The following PDE10A variants were observed in gnomAD, a reference collection of about 807,000 sequenced individuals.
PDE10A encodes phosphodiesterase 10A.
PDE10A carries 39 observed loss-of-function variants against 97.7 expected under a neutral mutation model. The observed-to-expected ratio is 0.40, with a 90% CI of 0.31 to 0.52. The LOEUF is 0.52. Ranked by LOEUF, PDE10A falls within the 20% of genes least tolerant of loss-of-function variation. The pLI, the probability that PDE10A is intolerant of heterozygous loss-of-function variation, is 0.56. For synonymous variants in PDE10A, 371 were observed against 376.8 expected (o/e 0.98, Z 0.18); for missense variants, 731 against 1,047.8 (o/e 0.70, Z 4.17).
At chr6:165,532,691 A>G (rs1782855060) in intron 2 of PDE10A, among the ~76,000 whole-genome samples, 1 of 152,150 alleles carries the variant, frequency 6.6e-6, no homozygotes, top group Non-Finnish European at 1.5e-5. Context: ...GACCCGACCC[A>G]TGACATTTCT....
chr6:165,389,390 T>C (rs1034162116), intron 16 of PDE10A, among the ~76,000 whole-genome samples: 9 of 152,122 alleles, frequency 5.9e-5, no homozygotes, highest in Non-Finnish European at 1.3e-4. Flanking sequence ...AGTGAAAGCT[T>C]CTATGGGGTG....
At chr6:165,904,530 A>G (rs1427842643) in intron 1 of PDE10A, among the ~76,000 whole-genome samples, 2 of 152,290 alleles carry the variant, frequency 1.3e-5, no homozygotes, top group Middle Eastern at 3.4e-3. Context: ...GTCTCGCTCA[A>G]TATTTTTTCT....
chr6:165,763,283 C>T (rs2128458380), intron 1 of PDE10A, among the ~76,000 whole-genome samples: 1 of 152,290 alleles, frequency 6.6e-6, no homozygotes, highest in Admixed American at 6.5e-5. Flanking sequence ...TTTTGACTGA[C>T]ATCCCCTCCA....
chr6:165,889,962 AC>A (rs148732196), intron 1 of PDE10A, among the ~76,000 whole-genome samples: 2 of 8,882 alleles, frequency 2.3e-4, no homozygotes, highest in Non-Finnish European at 4.4e-4. Flanking sequence ...TCCCTCCCTC[AC>A]TCCTCACTCC....
chr6:165,920,182 A>G (rs1782716140), intron 1 of PDE10A, among the ~76,000 whole-genome samples: 2 of 152,184 alleles, frequency 1.3e-5, no homozygotes, highest in Admixed American at 1.3e-4. Context: ...TTAGAACTGT[A>G]TGGTCCATAA....
chr6:165,835,398 A>G (rs1258460347), intron 1 of PDE10A, among the ~76,000 whole-genome samples: 1 of 151,988 alleles, frequency 6.6e-6, no homozygotes, highest in East Asian at 1.9e-4. Context: ...TTTCCTTTAT[A>G]TCCTGATCTT....
intron 1 of PDE10A, among the ~76,000 whole-genome samples, chr6:165,958,774 A>AAGCAAGCAAGCC (rs1784270990): frequency 6.8e-6 from 1 of 148,042 alleles, no homozygotes; most frequent in South Asian, 2.2e-4. Flanking sequence ...AGAAGAAAGC[A>AAGCAAGCAAGCC]AGCCAGCCAT....
At chr6:165,373,910 G>T (rs1279550672) in intron 18 of PDE10A, among the ~76,000 whole-genome samples, 1 of 151,720 alleles carries the variant, frequency 6.6e-6, no homozygotes, top group African/African-American at 2.4e-5. Context: ...CATAAAAAAT[G>T]ATGAGTTCAT....
intron 1 of PDE10A, among the ~76,000 whole-genome samples, chr6:165,967,552 G>GT (rs988762550): frequency 3.3e-5 from 5 of 152,130 alleles, no homozygotes; most frequent in Admixed American, 2.0e-4. Context: ...CGTATCTATG[G>GT]TTTTTTCTTA....
intron 18 of PDE10A, among the ~76,000 whole-genome samples, chr6:165,363,440 G>A (rs554034358): frequency 9.2e-5 from 14 of 152,084 alleles, no homozygotes; most frequent in East Asian, 7.7e-4. Context: ...GCTTGAACCC[G>A]GGGGAAGGAG....
At chr6:165,970,607 A>C (rs1784639936) in intron 1 of PDE10A, among the ~76,000 whole-genome samples, 2 of 152,236 alleles carry the variant, frequency 1.3e-5, no homozygotes, top group African/African-American at 4.8e-5. Flanking sequence ...TTCAATAAAA[A>C]GGTAAACATA....
At chr6:165,665,757 A>G (rs989647037), upstream of PDE10A, among the ~76,000 whole-genome samples, 1 of 152,108 alleles carries the variant, frequency 6.6e-6, no homozygotes, top group Non-Finnish European at 1.5e-5. Context: ...AATAATGATG[A>G]CCATCATTTT....
At chr6:165,523,976 C>T (rs907454902) in intron 2 of PDE10A, among the ~76,000 whole-genome samples, 1 of 152,276 alleles carries the variant, frequency 6.6e-6, no homozygotes, top group East Asian at 1.9e-4. Context: ...ATCTAATCAG[C>T]TTCCAGCGAA....
At chr6:165,340,676 G>T (rs1406366988) in intron 19 of PDE10A, among the ~76,000 whole-genome samples, 1 of 152,184 alleles carries the variant, frequency 6.6e-6, no homozygotes, top group Non-Finnish European at 1.5e-5. Flanking sequence ...TACAGACCAT[G>T]GCTCTAACAG....
intron 1 of PDE10A, among the ~76,000 whole-genome samples, chr6:165,788,372 C>T (rs893499874): frequency 2.6e-5 from 4 of 151,638 alleles, no homozygotes; most frequent in Non-Finnish European, 5.9e-5. Context: ...ACAAAATTAG[C>T]TGGGCATGGT....
At chr6:165,605,275 A>G (rs1165432430) in intron 1 of PDE10A, among the ~76,000 whole-genome samples, 8 of 151,796 alleles carry the variant, frequency 5.3e-5, no homozygotes. Context: ...AAACAAACAA[A>G]CAAAAAAAAC....
chr6:165,842,197 A>T (rs1054179685), intron 1 of PDE10A, among the ~76,000 whole-genome samples: 1 of 152,206 alleles, frequency 6.6e-6, no homozygotes, highest in Non-Finnish European at 1.5e-5. Context: ...ATAATGTTAT[A>T]CATTTTTTTT....
At chr6:165,537,080 GA>G in intron 2 of PDE10A, among the ~76,000 whole-genome samples, 1 of 151,726 alleles carries the variant, frequency 6.6e-6, no homozygotes, top group Non-Finnish European at 1.5e-5. Flanking sequence ...AAGAAAATGT[GA>G]TATATACAAA....
chr6:165,798,037 A>G (rs994320176), intron 1 of PDE10A, among the ~76,000 whole-genome samples: 12 of 152,204 alleles, frequency 7.9e-5, no homozygotes, highest in African/African-American at 1.9e-4. Context: ...TTTTCATTCA[A>G]TTGAAGAAAT....
Sources: gnomAD v4.1 joint callset for allele counts (sites outside exome capture counted in the v4.1 genomes callset) on GRCh38, gnomAD v4.1.1 for gene constraint, MANE v1.5 for transcripts, NCBI Gene and HGNC (gene_info 2026-07-23, HGNC 2026-07-21) for gene names.